SLC6A11: variants seen among roughly 807,000 people sequenced by gnomAD.
SLC6A11 encodes sodium- and chloride-dependent GABA transporter 3.
SLC6A11 carries 25 observed loss-of-function variants against 74.8 expected under a neutral mutation model. That is an observed-to-expected ratio of 0.33 (90% confidence interval 0.24 to 0.47). SLC6A11 has a LOEUF of 0.47. Ranked by LOEUF, SLC6A11 falls within the 20% of genes least tolerant of loss-of-function variation. The pLI, the probability that SLC6A11 is intolerant of heterozygous loss-of-function variation, is 1.00. For missense variants in SLC6A11, 574 were observed against 837.0 expected (o/e 0.69, Z 3.88); for synonymous variants, 330 against 330.2 (o/e 1.00, Z 0.01).
In SLC6A11 at chr3:10,926,025, C is replaced by T. The variant is rs774891377; in HGVS notation, c.1142C>T (p.Ala381Val). The T allele has an allele frequency of 3.1e-6, 5 of 1,611,350 alleles. No homozygotes were observed. The highest frequency in any genetic ancestry group is 1.3e-5 in the African/African-American group (1 of 74,814). The change falls in exon 9 of 14, where the codon GCG becomes GTG. Residue 381 changes from alanine to valine, a missense_variant. Coordinates refer to ENST00000254488, the MANE Select transcript of SLC6A11 (RefSeq NM_014229.3). The surrounding 1 kb of genome is among the most constrained non-coding windows in gnomAD (Gnocchi z 5.7). ...CCAGGCCCCGGCCTGGCCTTTATTG[C>T]GTACCCCAAGGCGGTCACCATGATG... ...AESGPGLAFI[A>V]YPKAVTMMPL...
chr3:10,937,990 T>C (rs1038117082), intron 13 of SLC6A11, among the ~76,000 whole-genome samples: 10 of 152,194 alleles, frequency 6.6e-5, no homozygotes, highest in African/African-American at 2.4e-4. Flanking sequence ...CTAAGCACTT[T>C]CCATAGCCTC....
chr3:10,836,384 G>C (rs1014878846), intron 4 of SLC6A11, among the ~76,000 whole-genome samples: 1 of 152,238 alleles, frequency 6.6e-6, no homozygotes, highest in African/African-American at 2.4e-5. Context: ...ATTCAGGAGA[G>C]AAATTGCTGG....
intron 12 of SLC6A11, among the ~76,000 whole-genome samples, chr3:10,934,766 G>A (rs1695736174): frequency 6.6e-6 from 1 of 152,194 alleles, no homozygotes; most frequent in Non-Finnish European, 1.5e-5. Context: ...CCTGGGGGTG[G>A]GGAGAGGTCC....
intron 4 of SLC6A11, among the ~76,000 whole-genome samples, chr3:10,837,272 A>G (rs1447873869): frequency 6.6e-6 from 1 of 152,122 alleles, no homozygotes; most frequent in Non-Finnish European, 1.5e-5. Flanking sequence ...ACTGATGGAG[A>G]CTGGTGTGTG....
rs143274775 is a variant in SLC6A11, at chr3:10,912,096, G to T, written c.898G>T (p.Val300Leu). The T allele has an allele frequency of 2.5e-6, 4 of 1,611,238 alleles. 1 individual carries two copies. The highest frequency in any genetic ancestry group is 3.4e-6 in the Non-Finnish European group (4 of 1,177,304). The change falls in exon 7 of 14, where the codon GTA (valine) becomes TTA (leucine). Residue 300 changes from valine (V) to leucine (L), a missense_variant. Val to Leu is a conservative substitution (Grantham distance 32). Coordinates refer to ENST00000254488, the MANE Select transcript of SLC6A11 (RefSeq NM_014229.3). ...TCTTTGTGCCTTCCTACAGGTCTGG[G>T]TAGATGCTGGAACGCAGATCTTTTT... The part of the protein sequence containing the change: ...LSRLSDPQVW[V>L]DAGTQIFFSY...
chr3:10,836,918 T>C (rs993051060), intron 4 of SLC6A11, among the ~76,000 whole-genome samples: 14 of 152,208 alleles, frequency 9.2e-5, no homozygotes, highest in African/African-American at 3.4e-4. Context: ...TGTGGTTGCT[T>C]TCACCCTGCA....
At chr3:10,913,102 T>G (rs998301816) in intron 7 of SLC6A11, among the ~76,000 whole-genome samples, 9 of 151,706 alleles carry the variant, frequency 5.9e-5, no homozygotes, top group Non-Finnish European at 2.9e-5. Flanking sequence ...GATAAGTATT[T>G]TGGGGAAATC....
intron 4 of SLC6A11, among the ~76,000 whole-genome samples, chr3:10,826,032 G>C (rs1028013102): frequency 3.8e-4 from 58 of 152,260 alleles, no homozygotes; most frequent in African/African-American, 1.3e-3. Context: ...AACAAGAATA[G>C]CAATAAAAAA....
At chr3:10,912,280 C>T (rs1463289453) in intron 7 of SLC6A11, 87 bp downstream of exon 7, 42 of 887,188 alleles carry the variant, frequency 4.7e-5, no homozygotes, top group Non-Finnish European at 8.0e-5. Flanking sequence ...TGTCTGCCCA[C>T]CTTGCAGGGC....
chr3:10,869,248 G>A (rs1694800954), intron 5 of SLC6A11, among the ~76,000 whole-genome samples: 1 of 152,200 alleles, frequency 6.6e-6, no homozygotes, highest in Non-Finnish European at 1.5e-5. Flanking sequence ...GAATGACAGG[G>A]GTGATGAATG....
chr3:10,924,821 A>C (rs1334945061), intron 8 of SLC6A11, among the ~76,000 whole-genome samples: 1 of 152,246 alleles, frequency 6.6e-6, no homozygotes, highest in African/African-American at 2.4e-5. Flanking sequence ...ACACATCTTA[A>C]AAGACTGACA....
At chr3:10,884,650 G>A (rs1695021763) in intron 6 of SLC6A11, among the ~76,000 whole-genome samples, 2 of 152,164 alleles carry the variant, frequency 1.3e-5, no homozygotes, top group African/African-American at 2.4e-5. Context: ...CCAGTCCTGG[G>A]CTGGCATTCC....
Position 10,925,982 on chromosome 3 carries a change from TTCTC to T in SLC6A11, c.1121-15_1121-12del. 1 of 1,415,568 alleles carries T rather than the reference TTCTC, an allele frequency of 7.1e-7. No homozygotes were observed. The highest frequency in any genetic ancestry group is 1.0e-6 in the Non-Finnish European group (1 of 1,004,836). The allele number at this position is 1,415,568 out of a possible 1,614,324, so 87.7% of individuals were successfully genotyped here. A position where few individuals can be genotyped will look rare whatever the true frequency, so the allele number is the denominator to read the frequency against. On this transcript the variant is annotated intron_variant, in intron 8 of 13. Coordinates refer to ENST00000254488, the MANE Select transcript of SLC6A11 (RefSeq NM_014229.3). The stretch of plus-strand genomic sequence containing the variant: ...AGGGATGGGACTCCACCCAGTGGCT[TTCTC>T]TCTCTCCCTCGCTCCAGGCCCCGGC...
chr3:10,826,729 A>G (rs1206737995), intron 4 of SLC6A11, among the ~76,000 whole-genome samples: 2 of 152,222 alleles, frequency 1.3e-5, no homozygotes, highest in Non-Finnish European at 2.9e-5. Context: ...AAAATATTAT[A>G]TGAGAAGAGT....
At chr3:10,861,543 A>C (rs1694703331) in intron 5 of SLC6A11, among the ~76,000 whole-genome samples, 1 of 152,122 alleles carries the variant, frequency 6.6e-6, no homozygotes, top group South Asian at 2.1e-4. Context: ...AAAAAAAAGC[A>C]GGAAGTAATG....
chr3:10,880,040 A>G (rs1694956826), intron 6 of SLC6A11, among the ~76,000 whole-genome samples: 1 of 152,218 alleles, frequency 6.6e-6, no homozygotes, highest in African/African-American at 2.4e-5. Flanking sequence ...TGCAGGTGGA[A>G]GGTGGCTGGC....
chr3:10,867,193 G>A (rs985313872), intron 5 of SLC6A11, among the ~76,000 whole-genome samples: 4 of 152,154 alleles, frequency 2.6e-5, no homozygotes, highest in South Asian at 4.1e-4. Flanking sequence ...TGGATTATGA[G>A]TTGCTGCCAA....
intron 5 of SLC6A11, among the ~76,000 whole-genome samples, 169 bp downstream of exon 5, chr3:10,844,515 G>A (rs1169484615): frequency 6.6e-6 from 1 of 152,110 alleles, no homozygotes; most frequent in Non-Finnish European, 1.5e-5. Flanking sequence ...CTTATTGGCC[G>A]CCCACCTCAG....
intron 6 of SLC6A11, among the ~76,000 whole-genome samples, chr3:10,878,767 GAT>G (rs1399762385): frequency 6.6e-6 from 1 of 151,974 alleles, no homozygotes; most frequent in Non-Finnish European, 1.5e-5. Flanking sequence ...AGTCTTTTCT[GAT>G]TGCCCACCAT....
Sources: gnomAD v4.1 joint callset for allele counts (sites outside exome capture counted in the v4.1 genomes callset) on GRCh38, gnomAD v4.1.1 for gene constraint, Gnocchi (gnomAD v3.1) non-coding constraint, MANE v1.5 for transcripts, NCBI Gene and HGNC (gene_info 2026-07-23, HGNC 2026-07-21) for gene names.